The following AGO3 variants were observed in gnomAD, a reference collection of about 807,000 sequenced individuals.
AGO3 encodes protein argonaute-3.
Under a neutral mutation model 105.5 loss-of-function variants are expected in AGO3, and 16 were observed. The observed-to-expected ratio is 0.15, with a 90% CI of 0.10 to 0.23. AGO3 has a LOEUF of 0.23. AGO3 is among the 10% of genes least tolerant of loss of function. The pLI is 1.00. For synonymous variants in AGO3, 340 were observed against 367.3 expected (o/e 0.93, Z 0.85); for missense variants, 534 against 1,088.0 (o/e 0.49, Z 7.16).
intron 12 of AGO3, among the ~76,000 whole-genome samples, chr1:36,028,200 C>G (rs925616421): frequency 3.3e-5 from 5 of 152,152 alleles, no homozygotes; most frequent in South Asian, 4.2e-4. Flanking sequence ...TGCCACCACA[C>G]TGGACTAATT....
intron 5 of AGO3, among the ~76,000 whole-genome samples, chr1:35,986,845 A>T (rs1647202284): frequency 6.6e-6 from 1 of 151,008 alleles, no homozygotes; most frequent in Admixed American, 6.6e-5. Context: ...AACATACAGA[A>T]ATTAACCAGG....
intron 17 of AGO3, among the ~76,000 whole-genome samples, chr1:36,044,723 T>C (rs1464953800): frequency 6.6e-6 from 1 of 152,202 alleles, no homozygotes; most frequent in Non-Finnish European, 1.5e-5. Context: ...ATTACAGGCT[T>C]GAGCCACTGC....
rs1261934356 is a variant in AGO3, at chr1:36,060,248, C to T, written c.*4503C>T. On this transcript the variant is annotated 3_prime_UTR_variant, in exon 19 of 19. Transcript: ENST00000373191. ...TGCCTAGTGTTTGCTTGTGTATTCTCTAATGGATTTTAGGAGGATAGGCCT... is the reference window on the plus strand; with the variant it reads ...TGCCTAGTGTTTGCTTGTGTATTCTTTAATGGATTTTAGGAGGATAGGCCT... The T allele has an allele frequency of 1.3e-5, 2 of 152,314 alleles. No individual in the cohort carries two copies. Among genetic ancestry groups the T allele is most frequent in the East Asian group, 3.9e-4 (2 of 5,186 alleles). 9.4% of individuals were successfully genotyped at this position (152,314 alleles called of 1,614,324 possible).
intron 14 of AGO3, among the ~76,000 whole-genome samples, chr1:36,038,321 T>A (rs1379803473): frequency 6.9e-6 from 1 of 144,876 alleles, no homozygotes; most frequent in Non-Finnish European, 1.5e-5. Context: ...GTGGGCGCGA[T>A]CTTGGCTCAC....
intron 1 of AGO3, among the ~76,000 whole-genome samples, chr1:35,944,047 G>A (rs1047887420): frequency 6.6e-6 from 1 of 152,164 alleles, no homozygotes; most frequent in Non-Finnish European, 1.5e-5. Context: ...TACTTAGGGT[G>A]TACAAATAAC....
chr1:36,002,628 G>A (rs553413478), intron 5 of AGO3, among the ~76,000 whole-genome samples: 5 of 151,822 alleles, frequency 3.3e-5, no homozygotes, highest in South Asian at 4.2e-4. Flanking sequence ...CACCGTGCCC[G>A]GCCAAAAATA....
rs189222683 is a variant in AGO3, at chr1:36,053,811, C to T, written c.2275-1135C>T. Among the ~76,000 whole-genome samples, 921 of 134,256 alleles carry T rather than the reference C, an allele frequency of 6.9e-3. 7 individuals are homozygous for T. Among genetic ancestry groups the T allele is most frequent in the African/African-American group, 0.025 (871 of 35,532 alleles). 88.1% of individuals were successfully genotyped at this position (134,256 alleles called of 152,430 possible). ...GTCACCAGGCTGAAGTGCAGTGGTG[C>T]GATCTCGGCTCACTGCAACCTCCAA... On this transcript the variant is annotated intron_variant, in intron 17 of 18. Transcript: ENST00000373191.
At chr1:36,022,062 CTTTTTT>C (rs34538981) in intron 11 of AGO3, among the ~76,000 whole-genome samples, 11 of 110,296 alleles carry the variant, frequency 1.0e-4, no homozygotes, top group Middle Eastern at 5.2e-3. Context: ...AGTTGGGGGC[CTTTTTT>C]TTTTTTTTTT....
chr1:35,941,139 C>T (rs1646246021), intron 1 of AGO3, among the ~76,000 whole-genome samples: 1 of 152,172 alleles, frequency 6.6e-6, no homozygotes, highest in Admixed American at 6.5e-5. Context: ...TTTCCTATCT[C>T]AGTAAATGAC....
At chr1:35,930,873 G>C (rs1000374151), upstream of AGO3, 15 of 226,986 alleles carry the variant, frequency 6.6e-5, no homozygotes, top group Non-Finnish European at 9.4e-5. Flanking sequence ...CACTCGTGCG[G>C]CGCGAGTAGT....
chr1:36,064,187 C>G lies in AGO3; in HGVS notation c.*8442C>G, dbSNP rs1426169389. On this transcript the variant is annotated 3_prime_UTR_variant, in exon 19 of 19. Coordinates refer to ENST00000373191, the MANE Select transcript of AGO3 (RefSeq NM_024852.4). The stretch of plus-strand genomic sequence containing the variant: ...CTGAGGTCAGGGGTTCGTGACCAGC[C>G]TGGCCAACATGGCGAAACCCCGTCT... 6.6e-6 allele frequency: 1 copy of G among 152,366 alleles called. No individual in the cohort carries two copies. The highest frequency in any genetic ancestry group is 1.9e-4 in the East Asian group (1 of 5,196). The allele number at this position is 152,366 out of a possible 1,614,324, so 9.4% of individuals were successfully genotyped here. A position where few individuals can be genotyped will look rare whatever the true frequency, so the allele number is the denominator to read the frequency against.
chr1:36,000,345 A>C, intron 5 of AGO3, among the ~76,000 whole-genome samples: 1 of 152,156 alleles, frequency 6.6e-6, no homozygotes, highest in East Asian at 1.9e-4. Context: ...TTATTACTAA[A>C]TTTAATTTTT....
intron 5 of AGO3, among the ~76,000 whole-genome samples, chr1:35,979,430 A>G (rs1647010529): frequency 6.6e-6 from 1 of 152,100 alleles, no homozygotes; most frequent in Non-Finnish European, 1.5e-5. Flanking sequence ...GTAGCCCAAT[A>G]TACGGTCAAT....
chr1:35,986,712 T>A (rs79736793), intron 5 of AGO3, among the ~76,000 whole-genome samples: 2 of 147,422 alleles, frequency 1.4e-5, no homozygotes, highest in Non-Finnish European at 1.5e-5. Flanking sequence ...AAAAAAAAAA[T>A]GGGCTGGGCC....
intron 1 of AGO3, among the ~76,000 whole-genome samples, chr1:35,938,794 G>A (rs1646200352): frequency 6.6e-6 from 1 of 152,052 alleles, no homozygotes; most frequent in African/African-American, 2.4e-5. Context: ...AAATCTATAA[G>A]TTAGTAATTG....
At chr1:35,959,544 T>A (rs1043609846) in intron 2 of AGO3, among the ~76,000 whole-genome samples, 1 of 152,178 alleles carries the variant, frequency 6.6e-6, no homozygotes, top group Non-Finnish European at 1.5e-5. Context: ...AAGCACTGTT[T>A]TAGAAGTTAA....
intron 11 of AGO3, among the ~76,000 whole-genome samples, chr1:36,025,382 A>T: frequency 1.4e-5 from 2 of 147,724 alleles, no homozygotes; most frequent in Non-Finnish European, 1.5e-5. Flanking sequence ...CAATGCTATG[A>T]TTATCTTATT....
At chr1:35,952,918 C>G (rs991688743) in intron 2 of AGO3, among the ~76,000 whole-genome samples, 2 of 152,086 alleles carry the variant, frequency 1.3e-5, no homozygotes, top group Non-Finnish European at 2.9e-5. Context: ...GAATAATATT[C>G]CATTGTATGG....
chr1:35,943,919 A>G (rs990747331), intron 1 of AGO3, among the ~76,000 whole-genome samples: 2 of 152,128 alleles, frequency 1.3e-5, no homozygotes, highest in African/African-American at 2.4e-5. Flanking sequence ...TTCACTTAAC[A>G]TAATATCTTC....
Sources: allele counts gnomAD v4.1 joint callset (sites outside exome capture counted in the v4.1 genomes callset), GRCh38; gene constraint gnomAD v4.1.1; transcripts MANE v1.5; gene names NCBI Gene and HGNC (gene_info 2026-07-23, HGNC 2026-07-21).